TMOD1: variants seen among roughly 807,000 people sequenced by gnomAD.
The protein encoded by TMOD1 is tropomodulin 1, also known as tropomodulin-1.
In TMOD1, 17 loss-of-function variants were observed where a neutral mutation model predicts 40.6. The observed-to-expected ratio is 0.42, with a 90% confidence interval of 0.29 to 0.63. The LOEUF (loss-of-function observed/expected upper bound fraction) is 0.63, where lower values mean the gene tolerates loss of function less well. Ranked by LOEUF, TMOD1 falls within the 20% of genes least tolerant of loss-of-function variation. The pLI is 0.22. For synonymous variants in TMOD1, 181 were observed against 175.0 expected, an observed-to-expected ratio of 1.03 and a Z score of -0.27; for missense variants, 391 against 447.6, an observed-to-expected ratio of 0.87 and a Z score of 1.14.
At position 97,557,671 on chromosome 9, in the gene TMOD1, T is replaced by C. The variant is rs963332181; in HGVS notation, c.397+4271T>C. Among the ~76,000 whole-genome samples, 3 of 152,120 alleles carry C rather than the reference T, an allele frequency of 2.0e-5. No individual in the cohort carries two copies. Among genetic ancestry groups the C allele is most frequent in the Non-Finnish European group, 2.9e-5 (2 of 68,022 alleles). On this transcript the variant is annotated intron_variant, in intron 4 of 9. Transcript: ENST00000259365. The surrounding 1 kb of genome is among the most constrained non-coding windows in gnomAD (Gnocchi z 4.4). ...CCTGTCCCTGGGATGCAGGAGAACA[T>C]CTTCCAGCCATCTGCCCAGAGCCAG...
At chr9:97,590,354 G>C (rs1825975859) in intron 8 of TMOD1, among the ~76,000 whole-genome samples, 1 of 151,936 alleles carries the variant, frequency 6.6e-6, no homozygotes, top group South Asian at 2.1e-4. Context: ...CTCCCAAGTA[G>C]CTGGGACTAC....
chr9:97,554,557 G>A (rs183390072), intron 4 of TMOD1, among the ~76,000 whole-genome samples: 91 of 152,128 alleles, frequency 6.0e-4, no homozygotes, highest in Admixed American at 1.2e-3. Flanking sequence ...GGTTGGGGGC[G>A]GGGGTGCAAA....
intron 1 of TMOD1, among the ~76,000 whole-genome samples, chr9:97,504,601 G>C (rs573625899): frequency 6.6e-6 from 1 of 152,168 alleles, no homozygotes; most frequent in East Asian, 1.9e-4. Flanking sequence ...TCATCCCCTG[G>C]AATGAGCAAA....
chr9:97,596,727 C>T (rs1826120426), intron 9 of TMOD1, among the ~76,000 whole-genome samples: 2 of 152,122 alleles, frequency 1.3e-5, no homozygotes, highest in Non-Finnish European at 2.9e-5. Context: ...AGCCTGAGTG[C>T]CCCCAAGTGA....
intron 2 of TMOD1, among the ~76,000 whole-genome samples, chr9:97,528,573 G>T (rs908372757): frequency 1.3e-5 from 2 of 152,222 alleles, no homozygotes; most frequent in African/African-American, 4.8e-5. Flanking sequence ...CTTCGAAAAG[G>T]CCTGGAGGGC....
At chr9:97,597,696 C>CAAA (rs56273168) in intron 9 of TMOD1, among the ~76,000 whole-genome samples, 5 of 69,998 alleles carry the variant, frequency 7.1e-5, no homozygotes, top group East Asian at 3.9e-4. Context: ...GACTCCGTCT[C>CAAA]AAAAAAAAAA....
chr9:97,569,560 C>G (rs1445596872), intron 8 of TMOD1, among the ~76,000 whole-genome samples: 1 of 152,232 alleles, frequency 6.6e-6, no homozygotes, highest in Non-Finnish European at 1.5e-5. Context: ...TATGGAGTTA[C>G]TGTTTCTCTG....
chr9:97,509,603 G>C (rs1829662360), intron 1 of TMOD1, among the ~76,000 whole-genome samples: 1 of 150,876 alleles, frequency 6.6e-6, no homozygotes, highest in African/African-American at 2.4e-5. Context: ...GGGCTCAAGT[G>C]GTCCTCCCCC....
intron 3 of TMOD1, among the ~76,000 whole-genome samples, chr9:97,547,216 C>A (rs1288588066): frequency 6.6e-6 from 1 of 151,956 alleles, no homozygotes; most frequent in Non-Finnish European, 1.5e-5. Context: ...CTCTGCCCCC[C>A]TCCAATATCC....
chr9:97,531,841 A>AT (rs767035550), intron 2 of TMOD1, among the ~76,000 whole-genome samples: 8 of 152,238 alleles, frequency 5.3e-5, no homozygotes, highest in South Asian at 4.2e-4. Flanking sequence ...GTGAGGTGTC[A>AT]TTATTACCAT....
Position 97,550,994 on chromosome 9 carries a change from A to T in TMOD1, c.278-2287A>T, listed in dbSNP as rs568493539. On this transcript the variant is annotated intron_variant, in intron 3 of 9. Coordinates refer to ENST00000259365, the MANE Select transcript of TMOD1 (RefSeq NM_003275.4). ...CCTTATGTTTTCTTCTAAGAATTTT[A>T]TATATATATATATATATATATTTTT... Among the ~76,000 whole-genome samples the T allele has an allele frequency of 6.1e-4, 29 of 47,602 alleles. 1 individual carries two copies. The highest frequency in any genetic ancestry group is 4.7e-3 in the Admixed American group (27 of 5,794). 31.2% of individuals were successfully genotyped at this position (47,602 alleles called of 152,430 possible).
At position 97,600,826 on chromosome 9, in the gene TMOD1, T is replaced by C. The variant is rs985513122; in HGVS notation, c.*1128T>C. 6 of 1,077,588 alleles carry C rather than the reference T, an allele frequency of 5.6e-6. No individual in the cohort carries two copies. In the African/African-American group the frequency reaches 8.4e-5, roughly 15 times the overall value. The allele number at this position is 1,077,588 out of a possible 1,614,324, so 66.8% of individuals were successfully genotyped here. On this transcript the variant is annotated 3_prime_UTR_variant, in exon 10 of 10. Transcript: ENST00000259365. ...GCTGCCAGATCTCTTTTTAACATCA[T>C]GTGCGTCTCTTGGGATCCAGCAAAA...
At chr9:97,578,295 C>T (rs10982836) in intron 8 of TMOD1, among the ~76,000 whole-genome samples, 1,610 of 152,250 alleles carry the variant, frequency 0.011, 27 homozygotes, top group African/African-American at 0.037. Context: ...CCTCGTGATC[C>T]GCCCGCCTCG....
chr9:97,567,492 A>G (rs1397231872), intron 7 of TMOD1, among the ~76,000 whole-genome samples: 1 of 152,214 alleles, frequency 6.6e-6, no homozygotes, highest in Non-Finnish European at 1.5e-5. Context: ...CCAGCATACA[A>G]GGAGTTAACA....
intron 8 of TMOD1, among the ~76,000 whole-genome samples, chr9:97,577,405 A>T (rs535319936): frequency 6.6e-6 from 1 of 152,362 alleles, no homozygotes; most frequent in African/African-American, 2.4e-5. Flanking sequence ...CGCTGCCTGT[A>T]TTCAAATCCT....
chr9:97,535,790 A>G (rs1830172588), intron 2 of TMOD1, among the ~76,000 whole-genome samples: 1 of 152,240 alleles, frequency 6.6e-6, no homozygotes. Flanking sequence ...GTGCCTTTGG[A>G]CGTCGGCATT....
At chr9:97,586,759 C>A (rs1435504678) in intron 8 of TMOD1, among the ~76,000 whole-genome samples, 1 of 152,178 alleles carries the variant, frequency 6.6e-6, no homozygotes, top group South Asian at 2.1e-4. Flanking sequence ...GTGGGAGTGA[C>A]CCGATTTTCC....
At chr9:97,583,667 C>T (rs1202439439) in intron 8 of TMOD1, among the ~76,000 whole-genome samples, 3 of 134,142 alleles carry the variant, frequency 2.2e-5, no homozygotes, top group Non-Finnish European at 3.2e-5. Context: ...TGATTATTGC[C>T]ACAATTTCAG....
chr9:97,524,373 T>A (rs1829966918), intron 2 of TMOD1, 65 bp downstream of exon 2: 1 of 1,568,624 alleles, frequency 6.4e-7, no homozygotes, highest in Admixed American at 1.9e-5. Flanking sequence ...GACAGGTGGA[T>A]GCTTCCTAAA....
Sources: allele counts gnomAD v4.1 joint callset (sites outside exome capture counted in the v4.1 genomes callset), GRCh38; gene constraint gnomAD v4.1.1; non-coding constraint Gnocchi (gnomAD v3.1); transcripts MANE v1.5; gene names NCBI Gene and HGNC (gene_info 2026-07-23, HGNC 2026-07-21).